Variants in BPNT1 observed in about 807,000 individuals in gnomAD.
The protein encoded by BPNT1 is 3'(2'), 5'-bisphosphate nucleotidase 1, also known as 3'(2'),5'-bisphosphate nucleotidase 1.
Under a neutral mutation model 36.9 loss-of-function variants are expected in BPNT1, and 28 were observed. That is an observed-to-expected ratio of 0.76 (90% CI 0.56 to 1.04). BPNT1 has a LOEUF of 1.04. Ranked by LOEUF, BPNT1 falls within the 50% of genes least tolerant of loss-of-function variation. The pLI, the probability that BPNT1 is intolerant of heterozygous loss-of-function variation, is 0.00. For synonymous variants in BPNT1, 119 were observed against 130.9 expected, an observed-to-expected ratio of 0.91 and a Z score of 0.62; for missense variants, 313 against 372.9, an observed-to-expected ratio of 0.84 and a Z score of 1.32.
At position 220,088,478 on chromosome 1, in the gene BPNT1, C is replaced by CAAAA. The variant is rs58383315; in HGVS notation, c.-9+1204_-9+1207dup. 1.9e-3 allele frequency among the ~76,000 whole-genome samples: 127 copies of CAAAA among 65,518 alleles called. 1 individual carries two copies. Among genetic ancestry groups the CAAAA allele is most frequent in the Non-Finnish European group, 2.8e-3 (94 of 34,174 alleles). The allele number at this position is 65,518 out of a possible 152,430, so 43.0% of individuals were successfully genotyped here. A position where few individuals can be genotyped will look rare whatever the true frequency, so the allele number is the denominator to read the frequency against. ...AGCCTGGGCGACAGAGACTCCGACT[C>CAAAA]AAAAAAAAAAAAAAAAAAAAAAATT... is the stretch of plus-strand genomic sequence containing the variant. On this transcript the variant is annotated intron_variant, in intron 1 of 8. Transcript: ENST00000322067.
chr1:220,070,190 A>G (rs1663932851), intron 4 of BPNT1, among the ~76,000 whole-genome samples: 1 of 152,200 alleles, frequency 6.6e-6, no homozygotes, highest in South Asian at 2.1e-4. Context: ...AAAATGAATA[A>G]TAAAACTGGC....
chr1:220,074,127 A>G (rs1251998191), intron 2 of BPNT1, 56 bp from the exon 3 acceptor site: 2 of 1,515,070 alleles, frequency 1.3e-6, no homozygotes, highest in African/African-American at 2.8e-5. Flanking sequence ...TTGTCCTCTG[A>G]TTCCTTGTGC....
In BPNT1 at chr1:220,067,411, A is replaced by G. The variant is rs1195106363; in HGVS notation, c.383-18T>C. The stretch of plus-strand genomic sequence containing the variant: ...AAGAAGACCTGCAAAGAAGAAATAA[A>G]TATCAGTTATATAACTTGCTCATAT... On this transcript the variant is annotated intron_variant, in intron 5 of 8. Transcript: ENST00000322067. 3.2e-6 allele frequency: 5 copies of G among 1,546,398 alleles called. No homozygotes were observed. In the South Asian group the frequency reaches 3.4e-5, roughly 11 times the overall value.
chr1:220,075,906 T>C (rs906298549), intron 2 of BPNT1, among the ~76,000 whole-genome samples: 2 of 152,144 alleles, frequency 1.3e-5, no homozygotes, highest in Non-Finnish European at 2.9e-5. Context: ...AAATTGTATG[T>C]CTAATATAAC....
chr1:220,059,818 C>A (rs755854373), intron 7 of BPNT1, 27 bp from the exon 8 acceptor site: 2 of 1,473,732 alleles, frequency 1.4e-6, no homozygotes, highest in Admixed American at 2.1e-5. Flanking sequence ...AAGAATTATC[C>A]TTTGATAATA....
intron 2 of BPNT1, among the ~76,000 whole-genome samples, chr1:220,076,171 A>T (rs939120619): frequency 6.6e-6 from 1 of 152,114 alleles, no homozygotes; most frequent in Non-Finnish European, 1.5e-5. Flanking sequence ...GTTCGAGACC[A>T]GCCTGACCAA....
Position 220,059,739 on chromosome 1 carries a change from C to T in BPNT1, c.725G>A (p.Gly242Asp), listed in dbSNP as rs1348525135. The change falls in exon 8 of 9, where the codon GGT (glycine) becomes GAT (aspartate). Residue 242 changes from glycine (G) to aspartate (D), a missense_variant. Gly to Asp is a moderately conservative substitution (Grantham distance 94, BLOSUM62 -1). Coordinates refer to ENST00000322067, the MANE Select transcript of BPNT1 (RefSeq NM_006085.6). ...AGCACAAGTATCCCACTTCTTACAA[C>T]CAGGACTTGCAAATACATAAGCAGA... ...KASAYVFASPGCKKWDTCAPE... is the reference protein window; with the variant it reads ...KASAYVFASPDCKKWDTCAPE... 1.9e-6 allele frequency: 3 copies of T among 1,611,412 alleles called. No individual in the cohort carries two copies. Among genetic ancestry groups the T allele is most frequent in the African/African-American group, 2.7e-5 (2 of 74,934 alleles).
rs139680924 is a variant in BPNT1, at chr1:220,084,610, C to T, written c.-8-4756G>A. On this transcript the variant is annotated intron_variant, in intron 1 of 8. Coordinates refer to ENST00000322067, the MANE Select transcript of BPNT1 (RefSeq NM_006085.6). ...ACTGTATGGTGTTGTTATAACTTTT[C>T]ATAGATATCATTTACCTTTGAACCA... Among the ~76,000 whole-genome samples the T allele has an allele frequency of 1.9e-3, 285 of 152,246 alleles. 1 individual carries two copies. The highest frequency in any genetic ancestry group is 6.3e-3 in the African/African-American group (260 of 41,550).
At chr1:220,086,896 A>G (rs1044008460) in intron 1 of BPNT1, among the ~76,000 whole-genome samples, 3 of 151,284 alleles carry the variant, frequency 2.0e-5, no homozygotes, top group African/African-American at 4.9e-5. Context: ...AAAAAAAAAA[A>G]ATGAGCCGGG....
intron 1 of BPNT1, among the ~76,000 whole-genome samples, chr1:220,086,526 G>A (rs1242401316): frequency 6.6e-6 from 1 of 151,468 alleles, no homozygotes; most frequent in Non-Finnish European, 1.5e-5. Flanking sequence ...CACCCTCCTC[G>A]GCCTCCCAAG....
At chr1:220,088,899 A>G (rs1161200010) in intron 1 of BPNT1, among the ~76,000 whole-genome samples, 1 of 151,614 alleles carries the variant, frequency 6.6e-6, no homozygotes, top group African/African-American at 2.4e-5. Context: ...GGAGATCGAA[A>G]CCATCCTGAC....
At chr1:220,059,609 A>C in intron 8 of BPNT1, 77 bp downstream of exon 8, 2 of 1,118,606 alleles carry the variant, frequency 1.8e-6, no homozygotes, top group Non-Finnish European at 2.6e-6. Context: ...AAGTAAAATA[A>C]TATTACTGAG....
chr1:220,077,452 G>C (rs919886126), intron 2 of BPNT1, among the ~76,000 whole-genome samples: 1 of 151,530 alleles, frequency 6.6e-6, no homozygotes, highest in East Asian at 1.9e-4. Context: ...CCAGGCTGGA[G>C]TACAGTGGTG....
chr1:220,078,550 T>TATA (rs1379261473), intron 2 of BPNT1, among the ~76,000 whole-genome samples: 1 of 127,524 alleles, frequency 7.8e-6, no homozygotes, highest in South Asian at 2.3e-4. Context: ...ATATTATAAT[T>TATA]ATATATAAAT....
At chr1:220,065,271 T>C (rs1309247680) in intron 6 of BPNT1, among the ~76,000 whole-genome samples, 2 of 152,188 alleles carry the variant, frequency 1.3e-5, no homozygotes, top group Non-Finnish European at 2.9e-5. Context: ...CTTGGTGTGG[T>C]AAATGCAATC....
At position 220,088,619 on chromosome 1, in the gene BPNT1, G is replaced by A. The variant is rs369942241; in HGVS notation, c.-9+1067C>T. Among the ~76,000 whole-genome samples, 133 of 151,596 alleles carry A rather than the reference G, an allele frequency of 8.8e-4. 4 individuals are homozygous for A. The South Asian group carries it at 0.027, about 31-fold the overall frequency. On this transcript the variant is annotated intron_variant, in intron 1 of 8. Coordinates refer to ENST00000322067, the MANE Select transcript of BPNT1 (RefSeq NM_006085.6). Reference sequence around the variant, plus strand: ...AGCCTGGGCAACATGGCAAAACCTCGTCTCTACAAAAAAATGCAAAAATTA... The same window carrying A: ...AGCCTGGGCAACATGGCAAAACCTCATCTCTACAAAAAAATGCAAAAATTA...
intron 1 of BPNT1, among the ~76,000 whole-genome samples, chr1:220,081,838 C>A (rs1655156139): frequency 6.6e-6 from 1 of 151,960 alleles, no homozygotes; most frequent in Admixed American, 6.6e-5. Flanking sequence ...CAACTGAGGC[C>A]TTAGCTGAGA....
chr1:220,073,983 G>T lies in BPNT1; in HGVS notation c.209C>A (p.Thr70Lys). The T allele has an allele frequency of 6.2e-7, 1 of 1,613,892 alleles. No individual in the cohort carries two copies. The highest frequency in any genetic ancestry group is 1.1e-5 in the South Asian group (1 of 90,976). ...SSLARKFPKL[T>K]IIGEEDLPSE... Reference sequence around the variant, plus strand: ...GACGCTTACCTCTTCCCCTATAATTGTGAGTTTGGGGAATTTCCGGGCCAA... The same window carrying T: ...GACGCTTACCTCTTCCCCTATAATTTTGAGTTTGGGGAATTTCCGGGCCAA... Residue 70 changes from threonine to lysine, a missense_variant, in exon 3 of 9, where the codon ACA (threonine) becomes AAA (lysine). Coordinates refer to ENST00000322067, the MANE Select transcript of BPNT1 (RefSeq NM_006085.6).
chr1:220,076,500 CAAA>C (rs35221551), intron 2 of BPNT1, among the ~76,000 whole-genome samples: 3 of 58,020 alleles, frequency 5.2e-5, no homozygotes, highest in African/African-American at 6.0e-5. Flanking sequence ...GACTCCATCT[CAAA>C]AAAAAAAAAA....
Sources: allele counts gnomAD v4.1 joint callset (sites outside exome capture counted in the v4.1 genomes callset), GRCh38; gene constraint gnomAD v4.1.1; transcripts MANE v1.5; gene names NCBI Gene and HGNC (gene_info 2026-07-23, HGNC 2026-07-21).